The following SHB variants were observed in gnomAD, a reference collection of about 807,000 sequenced individuals.
SHB encodes SH2 domain-containing adapter protein B.
Under a neutral mutation model 52.3 loss-of-function variants are expected in SHB, and 20 were observed. The ratio of observed to expected loss-of-function variants is 0.38; its 90% confidence interval spans 0.27 to 0.56. The LOEUF (loss-of-function observed/expected upper bound fraction) is 0.56. SHB is among the 20% of genes least tolerant of loss of function. The probability of loss-of-function intolerance (pLI) is 0.71; values close to 1 mark genes in which losing one functional copy is unlikely to be tolerated. For missense variants in SHB, 825 were observed against 723.3 expected (o/e 1.14, Z -1.61); for synonymous variants, 397 against 316.5 (o/e 1.25, Z -2.70).
chr9:38,006,016 GACC>G (rs151188777), intron 2 of SHB, among the ~76,000 whole-genome samples: 457 of 152,230 alleles, frequency 3.0e-3, no homozygotes, highest in African/African-American at 0.01. Flanking sequence ...CCTCAAAGGT[GACC>G]ACATCTCAAC....
At chr9:37,996,074 G>A (rs1467618377) in intron 2 of SHB, among the ~76,000 whole-genome samples, 5 of 152,174 alleles carry the variant, frequency 3.3e-5, no homozygotes, top group African/African-American at 9.7e-5. Context: ...TTTCTATGTG[G>A]TGGATGACCT....
At chr9:38,041,707 C>G (rs796995515) in intron 1 of SHB, among the ~76,000 whole-genome samples, 62 of 152,172 alleles carry the variant, frequency 4.1e-4, no homozygotes, top group African/African-American at 1.4e-3. Flanking sequence ...TCTGAGAAGT[C>G]GAGGAACTGG....
At chr9:38,001,475 A>G (rs1351698694) in intron 2 of SHB, among the ~76,000 whole-genome samples, 4 of 152,256 alleles carry the variant, frequency 2.6e-5, no homozygotes, top group African/African-American at 9.6e-5. Flanking sequence ...ATGGGAAGAC[A>G]TGCAAGGCTC....
intron 2 of SHB, among the ~76,000 whole-genome samples, chr9:37,998,032 G>A (rs988556145): frequency 3.9e-5 from 6 of 152,252 alleles, no homozygotes; most frequent in Admixed American, 6.5e-5. Context: ...AGGACAGCCC[G>A]TGTGACAGGC....
chr9:37,917,161 G>A lies in SHB; in HGVS notation c.*2660C>T, dbSNP rs567740044. On this transcript the variant is annotated 3_prime_UTR_variant, in exon 6 of 6. Transcript: ENST00000377707. ...GTCCAAGAAAACATGAATACAGGCT[G>A]ACACAGGAAACGGTCACAATTAGAG... is the stretch of plus-strand genomic sequence containing the variant. Among the ~76,000 whole-genome samples the A allele has an allele frequency of 2.0e-5, 3 of 152,304 alleles. 1 individual carries two copies. In the South Asian group the frequency reaches 6.2e-4, roughly 32 times the overall value.
At chr9:38,016,260 G>A (rs552017783) in intron 1 of SHB, 129 bp from the exon 2 acceptor site, 17 of 902,476 alleles carry the variant, frequency 1.9e-5, no homozygotes, top group East Asian at 1.3e-4. Flanking sequence ...TAAAGCCGGC[G>A]CCCGGACTCA....
At chr9:37,940,374 A>G (rs115238563) in intron 5 of SHB, among the ~76,000 whole-genome samples, 56 of 152,354 alleles carry the variant, frequency 3.7e-4, no homozygotes, top group Admixed American at 1.0e-3. Flanking sequence ...TGCACATTCT[A>G]AAGTTCACTG....
At chr9:37,998,177 A>AGGCACCAGT (rs1204368432) in intron 2 of SHB, among the ~76,000 whole-genome samples, 2 of 138,048 alleles carry the variant, frequency 1.4e-5, no homozygotes, top group Admixed American at 7.5e-5. Flanking sequence ...TACGATTCCA[A>AGGCACCAGT]GGCACCAGTG....
intron 2 of SHB, among the ~76,000 whole-genome samples, chr9:37,996,914 T>C (rs753634836): frequency 6.6e-6 from 1 of 152,216 alleles, no homozygotes; most frequent in Non-Finnish European, 1.5e-5. Context: ...TATCCTGGAC[T>C]AATTTTCTTG....
chr9:37,927,423 C>A (rs184283638), intron 5 of SHB, among the ~76,000 whole-genome samples: 1 of 152,198 alleles, frequency 6.6e-6, no homozygotes, highest in African/African-American at 2.4e-5. Flanking sequence ...TTTCAATAGA[C>A]GCATCAGCAG....
At chr9:37,982,675 T>G (rs1820749207) in intron 2 of SHB, among the ~76,000 whole-genome samples, 1 of 151,998 alleles carries the variant, frequency 6.6e-6, no homozygotes, top group African/African-American at 2.4e-5. Flanking sequence ...GGCACACGCC[T>G]GTAGTCCTAG....
intron 2 of SHB, among the ~76,000 whole-genome samples, chr9:38,012,102 G>A (rs1039061293): frequency 3.3e-5 from 5 of 152,128 alleles, no homozygotes; most frequent in African/African-American, 7.2e-5. Flanking sequence ...ACTTCCTCAC[G>A]CCTTCCATCC....
chr9:37,988,483 G>A (rs564745360), intron 2 of SHB, among the ~76,000 whole-genome samples: 7 of 152,076 alleles, frequency 4.6e-5, no homozygotes, highest in Non-Finnish European at 1.0e-4. Flanking sequence ...GACCTGTCAA[G>A]AGCACCCATC....
intron 5 of SHB, among the ~76,000 whole-genome samples, chr9:37,934,680 C>T (rs1018617594): frequency 6.6e-6 from 1 of 152,222 alleles, no homozygotes; most frequent in African/African-American, 2.4e-5. Context: ...ATTCAAAGGT[C>T]ACTGTCAGCT....
intron 2 of SHB, among the ~76,000 whole-genome samples, chr9:37,976,044 T>C (rs1039776320): frequency 2.0e-5 from 3 of 152,190 alleles, no homozygotes; most frequent in Admixed American, 6.5e-5. Context: ...TTTATTTTAT[T>C]TTATTTTTTG....
At chr9:37,948,059 A>C (rs898468919) in intron 5 of SHB, among the ~76,000 whole-genome samples, 2 of 152,230 alleles carry the variant, frequency 1.3e-5, no homozygotes, top group African/African-American at 4.8e-5. Flanking sequence ...GAAAGACCTG[A>C]AAGTTTCCAA....
chr9:38,068,496 G>A lies in SHB; in HGVS notation c.150C>T (p.Ala50=), dbSNP rs763619340. The A allele has an allele frequency of 3.3e-6, 5 of 1,494,962 alleles. No homozygotes were observed. The Admixed American group carries it at 6.5e-5, about 19-fold the overall frequency. The allele number at this position is 1,494,962 out of a possible 1,614,324, so 92.6% of individuals were successfully genotyped here. The part of the protein sequence containing the change: ...PPQAVPQASS[A]ASASCGPATA... ...TGGCCGGACCGCAGGACGCCGAGGC[G>A]GCGGAGGAGGCCTGCGGCACGGCCT... The change falls in exon 1 of 6, where the codon GCC becomes GCT. Residue 50 remains alanine (A), a synonymous_variant. Coordinates refer to ENST00000377707, the MANE Select transcript of SHB (RefSeq NM_003028.3).
chr9:38,009,601 A>G (rs972324648), intron 2 of SHB, among the ~76,000 whole-genome samples: 3 of 152,258 alleles, frequency 2.0e-5, no homozygotes, highest in Non-Finnish European at 4.4e-5. Context: ...CAATTGGAAC[A>G]TCGTCTTTAA....
At chr9:37,994,828 T>G (rs1037721915) in intron 2 of SHB, among the ~76,000 whole-genome samples, 2 of 152,126 alleles carry the variant, frequency 1.3e-5, no homozygotes, top group African/African-American at 2.4e-5. Flanking sequence ...ATATCAGTCA[T>G]GTATGCTGCC....
Sources: allele counts gnomAD v4.1 joint callset (sites outside exome capture counted in the v4.1 genomes callset), GRCh38; gene constraint gnomAD v4.1.1; transcripts MANE v1.5; gene names NCBI Gene and HGNC (gene_info 2026-07-23, HGNC 2026-07-21).